Variants in CDH23 observed in about 807,000 individuals in gnomAD.
CDH23 encodes the protein cadherin-23.
A neutral mutation model predicts 317.1 loss-of-function variants in CDH23; 189 were observed. That is an observed-to-expected ratio of 0.60 (90% confidence interval 0.53 to 0.67). The LOEUF is 0.67. Ranked by LOEUF, CDH23 falls within the 30% of genes least tolerant of loss-of-function variation. CDH23 has a pLI of 0.00. For missense variants in CDH23, 4,401 were observed against 4,592.4 expected (o/e 0.96, Z 1.20); for synonymous variants, 1,839 against 1,876.8 (o/e 0.98, Z 0.52).
At chr10:71,628,982 G>T (rs189584735) in intron 11 of CDH23, among the ~76,000 whole-genome samples, 34 of 152,334 alleles carry the variant, frequency 2.2e-4, no homozygotes, top group African/African-American at 7.5e-4. Context: ...GTCACAGAGC[G>T]TGGGAAGAGA....
chr10:71,814,935 G>A lies in CDH23; in HGVS notation c.9739-17G>A, dbSNP rs761249603. 6.3e-7 allele frequency: 1 copy of A among 1,596,556 alleles called. No homozygotes were observed. Among genetic ancestry groups the A allele is most frequent in the East Asian group, 2.2e-5 (1 of 44,486 alleles). ...TGGGCATGGCCCTGAGCATGTGGGG[G>A]TCCCGGCCTCTTGCAGCTGATACAG... On this transcript the variant is annotated splice_polypyrimidine_tract_variant and intron_variant, in intron 69 of 69. Transcript: ENST00000224721.
At chr10:71,720,607 T>C (rs960671359) in intron 28 of CDH23, among the ~76,000 whole-genome samples, 1 of 152,202 alleles carries the variant, frequency 6.6e-6, no homozygotes, top group African/African-American at 2.4e-5. Context: ...GTCCAAGACC[T>C]GAGCCTCAGA....
intron 51 of CDH23, 85 bp from the exon 52 acceptor site, chr10:71,799,407 T>A (rs1841494810): frequency 3.1e-6 from 5 of 1,605,596 alleles, no homozygotes; most frequent in Non-Finnish European, 4.3e-6. Flanking sequence ...AGCAGCTTGA[T>A]GCCTGCATCA....
Position 71,709,083 on chromosome 10 carries a change from C to T in CDH23, c.3107-15C>T. The T allele has an allele frequency of 1.9e-6, 3 of 1,612,482 alleles. No individual in the cohort carries two copies. Among genetic ancestry groups the T allele is most frequent in the Non-Finnish European group, 2.5e-6 (3 of 1,178,822 alleles). ...TCTGTTTCCCAGCCGGAAGCTTCCT[C>T]TCCTTCACCCACAGGTGGCAACGTG... On this transcript the variant is annotated splice_polypyrimidine_tract_variant and intron_variant, in intron 26 of 69. Transcript: ENST00000224721.
intron 22 of CDH23, among the ~76,000 whole-genome samples, chr10:71,699,541 C>T (rs1328574050): frequency 6.6e-6 from 1 of 152,204 alleles, no homozygotes; most frequent in Non-Finnish European, 1.5e-5. Context: ...CACTGGTGTG[C>T]GCTGGCGGAG....
chr10:71,644,584 C>T (rs570270138), intron 12 of CDH23, among the ~76,000 whole-genome samples: 4 of 152,322 alleles, frequency 2.6e-5, no homozygotes, highest in South Asian at 2.1e-4. Flanking sequence ...CCTTAGACCA[C>T]GGAGAGTCTT....
intron 1 of CDH23, among the ~76,000 whole-genome samples, chr10:71,433,185 G>A (rs150640896): frequency 8.5e-5 from 13 of 152,178 alleles, no homozygotes; most frequent in African/African-American, 2.7e-4. Context: ...TGCTGTATGC[G>A]CACACTCCCC....
At chr10:71,565,240 C>T in intron 6 of CDH23, among the ~76,000 whole-genome samples, 1 of 151,848 alleles carries the variant, frequency 6.6e-6, no homozygotes, top group East Asian at 1.9e-4. Flanking sequence ...TGCTAAGGTA[C>T]CCAGGGCTTA....
At chr10:71,661,955 A>G (rs1465996949) in intron 14 of CDH23, among the ~76,000 whole-genome samples, 1 of 145,820 alleles carries the variant, frequency 6.9e-6, no homozygotes, top group Admixed American at 6.9e-5. Context: ...GCACACACAC[A>G]GAACCCAGCT....
chr10:71,796,752 A>G (rs1409599446), intron 48 of CDH23: 2 of 255,096 alleles, frequency 7.8e-6, no homozygotes, highest in East Asian at 1.8e-4. Context: ...AGTACTTTAC[A>G]AATGGAAACT....
intron 6 of CDH23, among the ~76,000 whole-genome samples, chr10:71,560,639 C>T (rs1051844825): frequency 2.6e-5 from 4 of 151,976 alleles, no homozygotes; most frequent in South Asian, 2.1e-4. Flanking sequence ...AAGCAGGGAG[C>T]GGAGGTGTAT....
rs12244877 is a variant in CDH23 at position 71,790,623 on chromosome 10, C to T, written c.6049+210C>T. On this transcript the variant is annotated intron_variant, in intron 46 of 69. Coordinates refer to ENST00000224721, the MANE Select transcript of CDH23 (RefSeq NM_022124.6). ...TGGGAAGAGGCTTGGAGACGATACACAGGACCTCTGTTGGTGCACGAACTC... is the reference window on the plus strand; with the variant it reads ...TGGGAAGAGGCTTGGAGACGATACATAGGACCTCTGTTGGTGCACGAACTC... The T allele has an allele frequency of 2.4e-3, 1,528 of 628,610 alleles. 18 individuals are homozygous for T. In the African/African-American group the frequency reaches 0.026, roughly 11 times the overall value. The allele number at this position is 628,610 out of a possible 1,614,324, so 38.9% of individuals were successfully genotyped here.
At chr10:71,519,788 C>CT (rs71018213) in intron 6 of CDH23, among the ~76,000 whole-genome samples, 2,604 of 144,574 alleles carry the variant, frequency 0.018, 54 homozygotes, top group African/African-American at 0.044. Context: ...TTTCTTTTTT[C>CT]TTTTTTTTTT....
At chr10:71,566,998 GAC>G in intron 7 of CDH23, 62 bp downstream of exon 7, 4 of 1,516,168 alleles carry the variant, frequency 2.6e-6, no homozygotes, top group Non-Finnish European at 2.7e-6. Context: ...GGAAGAGAGT[GAC>G]GGGGCATTCC....
At position 71,712,770 on chromosome 10, in the gene CDH23, C is replaced by A; in HGVS notation, c.3326C>A (p.Ala1109Asp). ...ATCTTTCTGCAGAGCAGCTATGAGG[C>A]CAGCGTCCCTGAGGACATCCCTGAA... ...RPIFLQSSYE[A>D]SVPEDIPEGH... Residue 1109 changes from alanine to aspartate, a missense_variant, in exon 28 of 70, where the codon GCC (alanine) becomes GAC (aspartate). Physicochemically the swap from Ala to Asp is moderately radical, Grantham distance 126. Transcript: ENST00000224721. 6.2e-7 allele frequency: 1 copy of A among 1,613,224 alleles called. No homozygotes were observed. Among genetic ancestry groups the A allele is most frequent in the South Asian group, 1.1e-5 (1 of 90,914 alleles).
At chr10:71,455,806 C>A (rs1850667769) in intron 3 of CDH23, among the ~76,000 whole-genome samples, 1 of 152,130 alleles carries the variant, frequency 6.6e-6, no homozygotes, top group Non-Finnish European at 1.5e-5. Flanking sequence ...CATGAAAAAC[C>A]CCTGGGGCCT....
intron 9 of CDH23, among the ~76,000 whole-genome samples, chr10:71,603,276 C>A (rs1299517843): frequency 1.3e-5 from 2 of 152,200 alleles, no homozygotes; most frequent in African/African-American, 4.8e-5. Context: ...GTGTCTCTCC[C>A]ACTCCTTCCT....
rs117208264 is a variant in CDH23 at position 71,766,861 on chromosome 10, G to A, written c.4846-10819G>A. The stretch of plus-strand genomic sequence containing the variant: ...CTCCAGAACCCTCCAGTGGGCAGGC[G>A]GGGCTGATGCCTCATCCTTCAGCTA... On this transcript the variant is annotated intron_variant, in intron 38 of 69. Transcript: ENST00000224721. 8.4e-3 allele frequency among the ~76,000 whole-genome samples: 1,285 copies of A among 152,280 alleles called. 7 individuals carry two copies. Among genetic ancestry groups the A allele is most frequent in the Non-Finnish European group, 0.013 (898 of 68,000 alleles).
rs2133017674 is a variant in CDH23 at position 71,815,150 on chromosome 10, G to A, written c.9937G>A (p.Glu3313Lys). 3.1e-6 allele frequency: 5 copies of A among 1,611,590 alleles called. No homozygotes were observed. The highest frequency in any genetic ancestry group is 4.2e-6 in the Non-Finnish European group (5 of 1,179,178). The change falls in exon 70 of 70, where the codon GAG (glutamate) becomes AAG (lysine). Residue 3313 changes from glutamate (E) to lysine (K), a missense_variant. By Grantham distance (56) the Glu-to-Lys change is moderately conservative. Transcript: ENST00000224721. ...CCAGAAGGGCCTGGGCCGCTCGCTG[G>A]AGACGCTGACCGCTGCCGAGGCCAC... is the stretch of plus-strand genomic sequence containing the variant. Reference protein sequence around the residue: ...EDQKGLGRSLETLTAAEATAF... With the variant: ...EDQKGLGRSLKTLTAAEATAF...
Sources: gnomAD v4.1 joint callset for allele counts (sites outside exome capture counted in the v4.1 genomes callset) on GRCh38, gnomAD v4.1.1 for gene constraint, MANE v1.5 for transcripts, NCBI Gene and HGNC (gene_info 2026-07-23, HGNC 2026-07-21) for gene names.